Variants in EEPD1 observed in about 807,000 individuals in gnomAD.
EEPD1 encodes the protein endonuclease/exonuclease/phosphatase family domain containing 1, also known as endonuclease/exonuclease/phosphatase family domain-containing protein 1.
Under a neutral mutation model 46.3 loss-of-function variants are expected in EEPD1, and 17 were observed. That is an observed-to-expected ratio of 0.37 (90% CI 0.25 to 0.55). The LOEUF (loss-of-function observed/expected upper bound fraction) is 0.55, where lower values mean the gene tolerates loss of function less well. Among genes scored for constraint, EEPD1 ranks in the 20% least tolerant of loss-of-function variants. The pLI is 0.83. For synonymous variants in EEPD1, 313 were observed against 315.6 expected, an observed-to-expected ratio of 0.99 and a Z score of 0.09; for missense variants, 673 against 745.6, an observed-to-expected ratio of 0.90 and a Z score of 1.13.
chr7:36,172,999 G>A (rs1785115523), intron 2 of EEPD1, among the ~76,000 whole-genome samples: 1 of 152,048 alleles, frequency 6.6e-6, no homozygotes, highest in Non-Finnish European at 1.5e-5. Context: ...AACAGAATTG[G>A]AGGACACCCA....
chr7:36,158,846 C>G (rs1784862357), intron 2 of EEPD1, among the ~76,000 whole-genome samples: 2 of 152,168 alleles, frequency 1.3e-5, no homozygotes, highest in Admixed American at 1.3e-4. Context: ...TTGAGAGTCT[C>G]TTTGGTTATT....
intron 2 of EEPD1, 119 bp downstream of exon 2, chr7:36,155,321 A>C: frequency 1.6e-6 from 2 of 1,217,596 alleles, no homozygotes; most frequent in South Asian, 2.4e-5. Flanking sequence ...TTTTTAATCA[A>C]TGTTCTTGAA....
Position 36,297,030 on chromosome 7 carries a change from A to G in EEPD1, c.1353A>G (p.Gln451=). Residue 451 remains glutamine (Q), a synonymous_variant, in exon 7 of 8, where the codon CAA becomes CAG. Coordinates refer to ENST00000242108, the MANE Select transcript of EEPD1 (RefSeq NM_030636.3). Reference sequence around the variant, plus strand: ...TCATTATCTTAGGGGATTTTGGCCAAGGGCCAGACAGCAATGACTATGATA... The same window carrying G: ...TCATTATCTTAGGGGATTTTGGCCAGGGGCCAGACAGCAATGACTATGATA... ...KDVIILGDFG[Q]GPDSNDYDIL... 6.2e-7 allele frequency: 1 copy of G among 1,614,224 alleles called. No homozygotes were observed. Among genetic ancestry groups the G allele is most frequent in the Non-Finnish European group, 8.5e-7 (1 of 1,180,040 alleles).
At chr7:36,275,091 A>G (rs1201824604) in intron 3 of EEPD1, among the ~76,000 whole-genome samples, 1 of 152,226 alleles carries the variant, frequency 6.6e-6, no homozygotes, top group African/African-American at 2.4e-5. Context: ...CTCATTGTCA[A>G]AGGGAAGTCA....
intron 3 of EEPD1, among the ~76,000 whole-genome samples, chr7:36,262,975 G>T (rs1786954205): frequency 1.3e-5 from 2 of 152,100 alleles, no homozygotes; most frequent in Admixed American, 1.3e-4. Flanking sequence ...GCTCTCTCCT[G>T]TCCTGCTCAT....
At chr7:36,270,485 T>G (rs1787086003) in intron 3 of EEPD1, among the ~76,000 whole-genome samples, 1 of 152,032 alleles carries the variant, frequency 6.6e-6, no homozygotes, top group African/African-American at 2.4e-5. Flanking sequence ...GGCCCCAGTG[T>G]GTGATGTTCC....
At chr7:36,296,928 C>G in intron 6 of EEPD1, 65 bp from the exon 7 acceptor site, 3 of 1,544,000 alleles carry the variant, frequency 1.9e-6, no homozygotes, top group Non-Finnish European at 2.7e-6. Flanking sequence ...TTCAAAGGGC[C>G]ACGGTCAGTG....
At chr7:36,205,968 G>A (rs2726092) in intron 2 of EEPD1, among the ~76,000 whole-genome samples, 1 of 152,040 alleles carries the variant, frequency 6.6e-6, no homozygotes, top group East Asian at 1.9e-4. Flanking sequence ...CAGGACAGGC[G>A]GAATTGAGGG....
At position 36,174,059 on chromosome 7, in the gene EEPD1, C is replaced by T. The variant is rs371387783; in HGVS notation, c.878+18857C>T. ...ATACAGGGCTGAGTCCTTGGGATGG[C>T]AGAGACTGTGTGGCTGGTGGCAGTA... On this transcript the variant is annotated intron_variant, in intron 2 of 7. Coordinates refer to ENST00000242108, the MANE Select transcript of EEPD1 (RefSeq NM_030636.3). 1.5e-4 allele frequency among the ~76,000 whole-genome samples: 23 copies of T among 152,256 alleles called. 1 individual carries two copies. The highest frequency in any genetic ancestry group is 6.5e-4 in the Admixed American group (10 of 15,292).
chr7:36,286,699 C>A (rs144392735), intron 5 of EEPD1, among the ~76,000 whole-genome samples: 1 of 152,156 alleles, frequency 6.6e-6, no homozygotes, highest in African/African-American at 2.4e-5. Flanking sequence ...GAGAAAAGAA[C>A]ACAGAGGAGC....
At chr7:36,184,099 A>G (rs7776599) in intron 2 of EEPD1, among the ~76,000 whole-genome samples, 12,463 of 152,140 alleles carry the variant, frequency 0.082, 764 homozygotes, top group East Asian at 0.16. Context: ...TTTCCACCTA[A>G]TATCTTACAG....
intron 2 of EEPD1, among the ~76,000 whole-genome samples, chr7:36,156,330 A>T (rs1024831611): frequency 9.9e-5 from 15 of 152,120 alleles, no homozygotes; most frequent in African/African-American, 3.6e-4. Context: ...TCACTGAGAG[A>T]GGGACTCCAC....
intron 2 of EEPD1, among the ~76,000 whole-genome samples, chr7:36,162,714 T>C (rs1220401617): frequency 6.6e-6 from 1 of 152,118 alleles, no homozygotes; most frequent in Non-Finnish European, 1.5e-5. Flanking sequence ...CCAACTAATA[T>C]TGATTTGTTG....
intron 3 of EEPD1, among the ~76,000 whole-genome samples, chr7:36,251,510 A>G (rs1562702436): frequency 6.6e-6 from 1 of 152,194 alleles, no homozygotes; most frequent in Non-Finnish European, 1.5e-5. Context: ...GAGTTTCTCC[A>G]TGTTGGTCAG....
intron 2 of EEPD1, among the ~76,000 whole-genome samples, chr7:36,195,619 G>T (rs926421284): frequency 2.0e-5 from 3 of 152,200 alleles, no homozygotes; most frequent in Admixed American, 2.0e-4. Flanking sequence ...GGATTGGGGA[G>T]ATGTCAGTCA....
At chr7:36,238,823 A>G (rs527470595) in intron 2 of EEPD1, among the ~76,000 whole-genome samples, 162 bp from the exon 3 acceptor site, 1 of 152,352 alleles carries the variant, frequency 6.6e-6, no homozygotes, top group African/African-American at 2.4e-5. Flanking sequence ...AAATACTTTC[A>G]AAACGGTCAT....
intron 3 of EEPD1, among the ~76,000 whole-genome samples, chr7:36,250,503 T>C (rs1485655209): frequency 6.6e-6 from 1 of 152,176 alleles, no homozygotes; most frequent in Non-Finnish European, 1.5e-5. Flanking sequence ...GGCCCATAGC[T>C]TGTTTTTATA....
chr7:36,252,742 C>T (rs1203079251), intron 3 of EEPD1, among the ~76,000 whole-genome samples: 1 of 151,400 alleles, frequency 6.6e-6, no homozygotes, highest in Non-Finnish European at 1.5e-5. Context: ...CTGGCTTTCC[C>T]CCTTATGGTA....
At chr7:36,272,151 A>G (rs914716484) in intron 3 of EEPD1, among the ~76,000 whole-genome samples, 2 of 151,816 alleles carry the variant, frequency 1.3e-5, no homozygotes, top group Admixed American at 1.3e-4. Flanking sequence ...CCGAAGTGCT[A>G]GGATTACAGG....
Sources: allele counts gnomAD v4.1 joint callset (sites outside exome capture counted in the v4.1 genomes callset), GRCh38; gene constraint gnomAD v4.1.1; transcripts MANE v1.5; gene names NCBI Gene and HGNC (gene_info 2026-07-23, HGNC 2026-07-21).